Variants in TUBG1 observed in about 807,000 individuals in gnomAD.
TUBG1 encodes tubulin gamma 1.
In TUBG1, 22 loss-of-function variants were observed where a neutral mutation model predicts 53.3. The ratio of observed to expected loss-of-function variants is 0.41; its 90% CI spans 0.29 to 0.59. The LOEUF (loss-of-function observed/expected upper bound fraction) is 0.59, where lower values mean the gene tolerates loss of function less well. TUBG1 is among the 20% of genes least tolerant of loss of function. The pLI is 0.26. For synonymous variants in TUBG1, 198 were observed against 236.7 expected, an observed-to-expected ratio of 0.84 and a Z score of 1.50; for missense variants, 217 against 598.9, an observed-to-expected ratio of 0.36 and a Z score of 6.66.
intron 3 of TUBG1, chr17:42,610,955 T>A (rs917683751): frequency 4.6e-5 from 9 of 194,076 alleles, no homozygotes; most frequent in Non-Finnish European, 8.3e-5. Flanking sequence ...GTTTTATAGT[T>A]TCTTTTTTTT....
intron 6 of TUBG1, 115 bp downstream of exon 6, chr17:42,613,188 G>T: frequency 6.8e-7 from 1 of 1,464,468 alleles, no homozygotes; most frequent in South Asian, 1.3e-5. Context: ...AGTGGCTCAT[G>T]ACTGTAATCC....
At position 42,614,549 on chromosome 17, in the gene TUBG1, G is replaced by A. The variant is rs558170992; in HGVS notation, c.1050G>A (p.Pro350=). 2.6e-5 allele frequency: 42 copies of A among 1,613,856 alleles called. No homozygotes were observed. The highest frequency in any genetic ancestry group is 3.3e-4 in the Middle Eastern group (2 of 6,060). ...AACGCAAGTTGGCCAACTTCATCCC[G>A]TGGGGCCCCGCCAGCATCCAGGTGG... is the stretch of plus-strand genomic sequence containing the variant. ...IRERKLANFI[P]WGPASIQVAL... The change falls in exon 10 of 11, where the codon CCG becomes CCA. Residue 350 remains proline (P), a synonymous_variant. Coordinates refer to ENST00000251413, the MANE Select transcript of TUBG1 (RefSeq NM_001070.5). This position sits in a 1 kb window ranked among gnomAD's most constrained non-coding sequence, Gnocchi z 5.1.
intron 6 of TUBG1, 60 bp from the exon 7 acceptor site, chr17:42,613,587 C>T: frequency 6.2e-7 from 1 of 1,611,792 alleles, no homozygotes; most frequent in African/African-American, 1.3e-5. Flanking sequence ...AGCCTAGGGT[C>T]AGGCAGAGCT....
chr17:42,609,750 A>G lies in TUBG1; in HGVS notation c.13A>G (p.Ile5Val). Residue 5 changes from isoleucine to valine, a missense_variant, in exon 1 of 11, where the codon ATC becomes GTC. Around this residue, in one of 4 missense-constraint regions of TUBG1, gnomAD observed 57 missense variants for 169.3 expected, o/e 0.34. Coordinates refer to ENST00000251413, the MANE Select transcript of TUBG1 (RefSeq NM_001070.5). MPREIITLQLGQCGN... is the reference protein window; with the variant it reads MPREVITLQLGQCGN... ...TGCCTGAGGAGCGATGCCGAGGGAA[A>G]TCATCACCCTACAGTTGGGCCAGTG... 6.4e-7 allele frequency: 1 copy of G among 1,551,118 alleles called. No homozygotes were observed. Among genetic ancestry groups the G allele is most frequent in the Non-Finnish European group, 8.7e-7 (1 of 1,146,746 alleles).
rs1258428666 is a variant in TUBG1, at chr17:42,614,083, C to A, written c.843+85C>A. Reference sequence around the variant, plus strand: ...TAGCCTTTCTCTCTTCCCCACTGCCCCAGGAGCTACCCTTTGTGGACCCCA... The same window carrying A: ...TAGCCTTTCTCTCTTCCCCACTGCCACAGGAGCTACCCTTTGTGGACCCCA... On this transcript the variant is annotated intron_variant, in intron 8 of 10. Transcript: ENST00000251413. The surrounding 1 kb of genome is among the most constrained non-coding windows in gnomAD (Gnocchi z 5.1). 6.2e-6 allele frequency: 10 copies of A among 1,600,314 alleles called. No individual in the cohort carries two copies. Among genetic ancestry groups the A allele is most frequent in the Non-Finnish European group, 8.5e-6 (10 of 1,172,632 alleles).
chr17:42,613,152 A>T (rs1190784080), intron 6 of TUBG1, 79 bp downstream of exon 6: 20 of 1,540,976 alleles, frequency 1.3e-5, no homozygotes, highest in African/African-American at 8.2e-5. Context: ...TCATGTATTT[A>T]AAAAAAATCC....
chr17:42,613,271 G>A (rs139335793), intron 6 of TUBG1, among the ~76,000 whole-genome samples, 198 bp downstream of exon 6: 34 of 152,228 alleles, frequency 2.2e-4, no homozygotes, highest in African/African-American at 6.7e-4. Flanking sequence ...GCAACATGGC[G>A]AAACCCCATC....
chr17:42,610,002 C>A lies in TUBG1; in HGVS notation c.50-106C>A, dbSNP rs2052018533. ...CCTCAGACACGGGAGAGTCCTGCGG[C>A]TTGACTTCTTATCCCTGGACGCAGG... On this transcript the variant is annotated intron_variant, in intron 1 of 10. Coordinates refer to ENST00000251413, the MANE Select transcript of TUBG1 (RefSeq NM_001070.5). 3 of 1,413,708 alleles carry A rather than the reference C, an allele frequency of 2.1e-6. No individual in the cohort carries two copies. In the South Asian group the frequency reaches 3.9e-5, roughly 18 times the overall value. The allele number at this position is 1,413,708 out of a possible 1,614,324, so 87.6% of individuals were successfully genotyped here.
rs375730019 is a variant in TUBG1 at position 42,610,102 on chromosome 17, C to T, written c.50-6C>T. ...TCTTTCTCCCCTGCCCGCCCCTTCC[C>T]CCCAGTTGGGTTCGAGTTCTGGAAA... On this transcript the variant is annotated splice_region_variant and splice_polypyrimidine_tract_variant and intron_variant, in intron 1 of 10. Coordinates refer to ENST00000251413, the MANE Select transcript of TUBG1 (RefSeq NM_001070.5). The T allele has an allele frequency of 1.2e-5, 19 of 1,614,098 alleles. No individual in the cohort carries two copies. The highest frequency in any genetic ancestry group is 1.6e-5 in the Non-Finnish European group (19 of 1,180,042).
intron 5 of TUBG1, 115 bp downstream of exon 5, chr17:42,612,621 C>G: frequency 2.0e-6 from 2 of 1,003,184 alleles, no homozygotes; most frequent in South Asian, 2.9e-5. Flanking sequence ...CTTATATTCC[C>G]TCCTATAGAG....
chr17:42,614,127 C>G lies in TUBG1; in HGVS notation c.843+129C>G, dbSNP rs539172622. ...GACCCCAAGGCGCGGCGCTCAGGGACTGGCACAGAGTGGGCGACTTTCTTG... is the reference window on the plus strand; with the variant it reads ...GACCCCAAGGCGCGGCGCTCAGGGAGTGGCACAGAGTGGGCGACTTTCTTG... On this transcript the variant is annotated intron_variant, in intron 8 of 10. Coordinates refer to ENST00000251413, the MANE Select transcript of TUBG1 (RefSeq NM_001070.5). The surrounding 1 kb of genome is among the most constrained non-coding windows in gnomAD (Gnocchi z 5.1). 2.7e-5 allele frequency: 43 copies of G among 1,585,510 alleles called. No homozygotes were observed. The East Asian group carries it at 9.6e-4, about 36-fold the overall frequency.
rs1388419668 is a variant in TUBG1, at chr17:42,612,482, A to T, written c.455A>T (p.Tyr152Phe). The change falls in exon 5 of 11, where the codon TAC becomes TTC. Residue 152 changes from tyrosine to phenylalanine, a missense_variant. Physicochemically the swap from Tyr to Phe is conservative, Grantham distance 22. Coordinates refer to ENST00000251413, the MANE Select transcript of TUBG1 (RefSeq NM_001070.5). ...GGGACAGGCTCTGGACTGGGTTCCT[A>T]CCTCTTAGAACGGCTGAATGACAGG... ...AGGTGSGLGS[Y>F]LLERLNDRYP... 1 of 1,613,684 alleles carries T rather than the reference A, an allele frequency of 6.2e-7. No homozygotes were observed. The highest frequency in any genetic ancestry group is 8.5e-7 in the Non-Finnish European group (1 of 1,179,974).
rs934622435 is a variant in TUBG1 at position 42,609,695 on chromosome 17, C to T, written c.-43C>T. On this transcript the variant is annotated 5_prime_UTR_variant, in exon 1 of 11. Coordinates refer to ENST00000251413, the MANE Select transcript of TUBG1 (RefSeq NM_001070.5). ...CGGCGAGCGGGCTGGCGTGCGGCGC[C>T]GTTGCGGGCGGGAGCGGCTGCAACG... is the stretch of plus-strand genomic sequence containing the variant. The T allele has an allele frequency of 1.1e-5, 17 of 1,535,306 alleles. No individual in the cohort carries two copies. The highest frequency in any genetic ancestry group is 1.4e-5 in the Non-Finnish European group (16 of 1,140,112).
intron 4 of TUBG1, 65 bp downstream of exon 4, chr17:42,612,208 C>T (rs181355072): frequency 7.7e-6 from 12 of 1,551,852 alleles, no homozygotes; most frequent in African/African-American, 6.8e-5. Flanking sequence ...CCTCTAGAAG[C>T]GACCTGTTAG....
At position 42,614,112 on chromosome 17, in the gene TUBG1, C is replaced by T. The variant is rs191070625; in HGVS notation, c.843+114C>T. 409 of 1,585,850 alleles carry T rather than the reference C, an allele frequency of 2.6e-4. 2 individuals carry two copies. Among genetic ancestry groups the T allele is most frequent in the Non-Finnish European group, 2.9e-4 (343 of 1,164,724 alleles). On this transcript the variant is annotated intron_variant, in intron 8 of 10. Coordinates refer to ENST00000251413, the MANE Select transcript of TUBG1 (RefSeq NM_001070.5). This position sits in a 1 kb window ranked among gnomAD's most constrained non-coding sequence, Gnocchi z 5.1. ...GAGCTACCCTTTGTGGACCCCAAGG[C>T]GCGGCGCTCAGGGACTGGCACAGAG...
rs1352915740 is a variant in TUBG1 at position 42,610,440 on chromosome 17, C to T, written c.180C>T (p.Tyr60=). ...VFFYQADDEH[Y]IPRAVLLDLE... ...CTTGACAGGCAGACGATGAGCACTA[C>T]ATCCCCCGGGCCGTGCTGCTGGACT... is the stretch of plus-strand genomic sequence containing the variant. The change falls in exon 3 of 11, where the codon TAC becomes TAT. Residue 60 remains tyrosine, a synonymous_variant. Coordinates refer to ENST00000251413, the MANE Select transcript of TUBG1 (RefSeq NM_001070.5). 1.9e-6 allele frequency: 3 copies of T among 1,606,286 alleles called. No homozygotes were observed. The highest frequency in any genetic ancestry group is 1.7e-5 in the Admixed American group (1 of 59,672).
At position 42,610,234 on chromosome 17, in the gene TUBG1, C is replaced by T. The variant is rs753369357; in HGVS notation, c.162+14C>T. 3.7e-5 allele frequency: 60 copies of T among 1,614,220 alleles called. No individual in the cohort carries two copies. The highest frequency in any genetic ancestry group is 6.7e-5 in the East Asian group (3 of 44,880). Reference sequence around the variant, plus strand: ...TTTTTCTACCAGGTGCCCCCAGCGACTTGGCCGGGGGCGGCAGTTGCCCAA... The same window carrying T: ...TTTTTCTACCAGGTGCCCCCAGCGATTTGGCCGGGGGCGGCAGTTGCCCAA... On this transcript the variant is annotated intron_variant, in intron 2 of 10. Coordinates refer to ENST00000251413, the MANE Select transcript of TUBG1 (RefSeq NM_001070.5).
At position 42,613,945 on chromosome 17, in the gene TUBG1, C is replaced by T; in HGVS notation, c.790C>T (p.Pro264Ser). The change falls in exon 8 of 11, where the codon CCA (proline) becomes TCA (serine). Residue 264 changes from proline to serine, a missense_variant. This residue lies in a region of TUBG1 where 135 missense variants were observed against 371.2 expected (regional missense o/e 0.36). Transcript: ENST00000251413. ...IGLIASLIPTPRLHFLMTGYT... is the reference protein window; with the variant it reads ...IGLIASLIPTSRLHFLMTGYT... ...CCTCATCGCCTCGCTCATTCCCACC[C>T]CACGGCTCCACTTCCTCATGACCGG... The T allele has an allele frequency of 6.2e-7, 1 of 1,614,224 alleles. No homozygotes were observed. Among genetic ancestry groups the T allele is most frequent in the South Asian group, 1.1e-5 (1 of 91,086 alleles).
chr17:42,613,810 C>A (rs1339709736), intron 7 of TUBG1, 39 bp from the exon 8 acceptor site: 1 of 1,614,156 alleles, frequency 6.2e-7, no homozygotes, highest in Non-Finnish European at 8.5e-7. Flanking sequence ...GGAGGTCCCA[C>A]CCAGGCTGAG....
Sources: gnomAD v4.1 joint callset for allele counts (sites outside exome capture counted in the v4.1 genomes callset) on GRCh38, gnomAD v4.1.1 for gene constraint, gnomAD v4.1.1 regional missense constraint, Gnocchi (gnomAD v3.1) non-coding constraint, MANE v1.5 for transcripts, NCBI Gene and HGNC (gene_info 2026-07-23, HGNC 2026-07-21) for gene names.